Variants in ADGRF5 observed in about 807,000 individuals in gnomAD.
The protein encoded by ADGRF5 is adhesion G protein-coupled receptor F5, also known as G-protein coupled receptor 116.
In ADGRF5, 75 loss-of-function variants were observed where a neutral mutation model predicts 132.3. That is an observed-to-expected ratio of 0.57 (90% CI 0.47 to 0.69). The LOEUF (loss-of-function observed/expected upper bound fraction) is 0.69, where lower values mean the gene tolerates loss of function less well. Among genes scored for constraint, ADGRF5 ranks in the 30% least tolerant of loss-of-function variants. The pLI, the probability that ADGRF5 is intolerant of heterozygous loss-of-function variation, is 0.00. For missense variants in ADGRF5, 1,516 were observed against 1,630.6 expected (o/e 0.93, Z 1.21); for synonymous variants, 629 against 597.6 (o/e 1.05, Z -0.77).
chr6:46,916,494 G>C (rs2150917409), intron 1 of ADGRF5, among the ~76,000 whole-genome samples: 1 of 152,276 alleles, frequency 6.6e-6, no homozygotes, highest in Middle Eastern at 3.4e-3. Context: ...TGCTGCTGAT[G>C]TGCTCAGAGC....
At chr6:46,878,660 A>C (rs1372313450) in intron 9 of ADGRF5, among the ~76,000 whole-genome samples, 3 of 152,224 alleles carry the variant, frequency 2.0e-5, no homozygotes, top group Non-Finnish European at 4.4e-5. Flanking sequence ...ATAAGAAAAA[A>C]AGTATAACAA....
chr6:46,926,590 G>A (rs1777259855), upstream of ADGRF5, among the ~76,000 whole-genome samples: 1 of 152,104 alleles, frequency 6.6e-6, no homozygotes, highest in Non-Finnish European at 1.5e-5. Context: ...CCAATGGCCT[G>A]TGAGCCGTCC....
chr6:46,924,919 C>T (rs952555268), upstream of ADGRF5, among the ~76,000 whole-genome samples: 2 of 152,228 alleles, frequency 1.3e-5, no homozygotes, highest in African/African-American at 2.4e-5. Context: ...CTATCATTCT[C>T]ATCCAAGCCA....
intron 3 of ADGRF5, among the ~76,000 whole-genome samples, chr6:46,893,414 A>G (rs1250244085): frequency 6.6e-6 from 1 of 152,036 alleles, no homozygotes; most frequent in Non-Finnish European, 1.5e-5. Flanking sequence ...GCACCTAAGG[A>G]GCAGCTTAGA....
chr6:46,890,878 T>A (rs1320114364), intron 3 of ADGRF5, among the ~76,000 whole-genome samples: 9 of 152,228 alleles, frequency 5.9e-5, no homozygotes, highest in Admixed American at 5.9e-4. Context: ...ATTTAAATAT[T>A]CCAAGGACTC....
chr6:46,943,833 G>A (rs1006705265), intron 1 of ADGRF5, among the ~76,000 whole-genome samples: 1 of 152,144 alleles, frequency 6.6e-6, no homozygotes, highest in Non-Finnish European at 1.5e-5. Context: ...ACATACGATG[G>A]TTCAAAGGAT....
At chr6:46,896,810 A>T (rs918774890) in intron 3 of ADGRF5, among the ~76,000 whole-genome samples, 5 of 151,460 alleles carry the variant, frequency 3.3e-5, no homozygotes, top group South Asian at 2.1e-4. Flanking sequence ...AAATATTTTT[A>T]AAAATTTTGT....
At chr6:46,928,700 A>G (rs146247276) in intron 1 of ADGRF5, among the ~76,000 whole-genome samples, 1 of 152,264 alleles carries the variant, frequency 6.6e-6, no homozygotes, top group Non-Finnish European at 1.5e-5. Context: ...TGCCTATCAC[A>G]CTATTTTTCT....
At chr6:46,860,422 G>A (rs687383) in intron 16 of ADGRF5, among the ~76,000 whole-genome samples, 127,241 of 152,152 alleles carry the variant, frequency 0.84, 54,996 homozygotes, top group East Asian at 0.99. Flanking sequence ...ATATCATCTT[G>A]TATATTCTGA....
intron 10 of ADGRF5, among the ~76,000 whole-genome samples, chr6:46,876,542 A>G (rs1336243295): frequency 1.3e-5 from 2 of 152,204 alleles, no homozygotes; most frequent in African/African-American, 4.8e-5. Flanking sequence ...AAATGCTTGC[A>G]GGTGAACTGT....
At chr6:46,883,914 G>T (rs1284810753) in intron 5 of ADGRF5, among the ~76,000 whole-genome samples, 181 bp downstream of exon 5, 5 of 152,120 alleles carry the variant, frequency 3.3e-5, no homozygotes, top group Non-Finnish European at 5.9e-5. Context: ...GCTAATTTTT[G>T]CATTTTTAGT....
chr6:46,946,770 T>C (rs573591532), intron 1 of ADGRF5, among the ~76,000 whole-genome samples: 1 of 152,292 alleles, frequency 6.6e-6, no homozygotes, highest in African/African-American at 2.4e-5. Context: ...AATGGCGTTA[T>C]TTCCTCCAAG....
At chr6:46,939,029 C>T (rs548258272) in intron 1 of ADGRF5, among the ~76,000 whole-genome samples, 2 of 152,086 alleles carry the variant, frequency 1.3e-5, no homozygotes, top group African/African-American at 2.4e-5. Flanking sequence ...TGCCACCACA[C>T]TCAGCTAATT....
chr6:46,869,266 A>T (rs1205583938), intron 11 of ADGRF5, 174 bp from the exon 12 acceptor site: 12 of 1,442,550 alleles, frequency 8.3e-6, no homozygotes, highest in Non-Finnish European at 1.1e-5. Flanking sequence ...CCTGGGCTTT[A>T]CTCGTTTCTA....
chr6:46,940,647 G>A (rs2150942850), intron 1 of ADGRF5, among the ~76,000 whole-genome samples: 1 of 152,280 alleles, frequency 6.6e-6, no homozygotes, highest in East Asian at 1.9e-4. Flanking sequence ...GCCCTCTAAA[G>A]AGGCAAACGC....
rs35014340 is a variant in ADGRF5 at position 46,893,058 on chromosome 6, A to ATTT, written c.158-4556_158-4554dup. Reference sequence around the variant, plus strand: ...GGCAAGAGTGATGGGGACAACAGGGATTTTTTTTTTTTTTTTTTTTTTTTT... The same window carrying ATTT: ...GGCAAGAGTGATGGGGACAACAGGGATTTTTTTTTTTTTTTTTTTTTTTTTTTT... On this transcript the variant is annotated intron_variant, in intron 3 of 20. Transcript: ENST00000283296. Among the ~76,000 whole-genome samples the ATTT allele has an allele frequency of 8.2e-3, 709 of 86,726 alleles. 50 individuals are homozygous for ATTT. Among genetic ancestry groups the ATTT allele is most frequent in the East Asian group, 0.025 (59 of 2,364 alleles). The allele number at this position is 86,726 out of a possible 152,430, so 56.9% of individuals were successfully genotyped here.
At chr6:46,944,491 C>T (rs1778224232) in intron 1 of ADGRF5, among the ~76,000 whole-genome samples, 1 of 152,138 alleles carries the variant, frequency 6.6e-6, no homozygotes, top group Non-Finnish European at 1.5e-5. Flanking sequence ...TGTCCTGCTC[C>T]TACCCCCATC....
chr6:46,861,931 C>T (rs1415228887), intron 15 of ADGRF5, among the ~76,000 whole-genome samples: 1 of 151,314 alleles, frequency 6.6e-6, no homozygotes, highest in Non-Finnish European at 1.5e-5. Context: ...GCTCAGATGC[C>T]TATTTTTTTC....
chr6:46,923,266 T>C (rs183303676), upstream of ADGRF5, among the ~76,000 whole-genome samples: 1 of 152,142 alleles, frequency 6.6e-6, no homozygotes, highest in African/African-American at 2.4e-5. Flanking sequence ...GGGATAATAA[T>C]AGTACTGAGT....
Sources: gnomAD v4.1 joint callset for allele counts (sites outside exome capture counted in the v4.1 genomes callset) on GRCh38, gnomAD v4.1.1 for gene constraint, MANE v1.5 for transcripts, NCBI Gene and HGNC (gene_info 2026-07-23, HGNC 2026-07-21) for gene names.